Variants in NELFA observed in about 807,000 individuals in gnomAD.
NELFA encodes negative elongation factor A.
A neutral mutation model predicts 51.8 loss-of-function variants in NELFA; 35 were observed. The observed-to-expected ratio is 0.68, with a 90% confidence interval of 0.52 to 0.90. The LOEUF is 0.90. Among genes scored for constraint, NELFA ranks in the 40% least tolerant of loss-of-function variants. NELFA has a pLI of 0.00. For synonymous variants in NELFA, 417 were observed against 338.4 expected (o/e 1.23, Z -2.55); for missense variants, 658 against 746.4 (o/e 0.88, Z 1.38).
chr4:1,984,243 C>T (rs1728011824), intron 8 of NELFA, 130 bp from the exon 9 acceptor site: 2 of 1,190,748 alleles, frequency 1.7e-6, no homozygotes, highest in Non-Finnish European at 2.3e-6. Flanking sequence ...CTCCCTGTGG[C>T]CCCCAGCCAA....
chr4:1,994,992 A>T (rs1039700582), intron 1 of NELFA, among the ~76,000 whole-genome samples: 3 of 152,234 alleles, frequency 2.0e-5, no homozygotes, highest in African/African-American at 7.2e-5. Context: ...GCCATGGGGC[A>T]CCTGGACAGT....
At chr4:1,987,540 CGAAAGCCCGAGCTG>C (rs1303601812) in intron 4 of NELFA, 1 of 199,816 alleles carries the variant, frequency 5.0e-6, no homozygotes, top group Admixed American at 6.1e-5. Flanking sequence ...CACTTGGGGC[CGAAAGCCCGAGCTG>C]GGAAGGCCGA....
At chr4:2,001,430 A>T (rs1728563421) in intron 1 of NELFA, among the ~76,000 whole-genome samples, 1 of 152,250 alleles carries the variant, frequency 6.6e-6, no homozygotes, top group Non-Finnish European at 1.5e-5. Context: ...TGTTGAACTG[A>T]TAAGCAACTT....
At chr4:2,000,367 A>C (rs1728537852) in intron 1 of NELFA, among the ~76,000 whole-genome samples, 1 of 152,142 alleles carries the variant, frequency 6.6e-6, no homozygotes, top group African/African-American at 2.4e-5. Context: ...TGGTTTTGTG[A>C]AAAAATTAAC....
rs1273926499 is a variant in NELFA, at chr4:1,983,091, C to CA, written c.*227dup. ...ACATTCAAAAATGTAACGTTGAGTCCAAAAAGTGTCTTAAATCACACAAAA... is the reference window on the plus strand; with the variant it reads ...ACATTCAAAAATGTAACGTTGAGTCCAAAAAAGTGTCTTAAATCACACAAAA... On this transcript the variant is annotated 3_prime_UTR_variant, in exon 11 of 11. Transcript: ENST00000382882. The CA allele has an allele frequency of 4.5e-6, 2 of 442,882 alleles. No individual in the cohort carries two copies. The highest frequency in any genetic ancestry group is 7.9e-6 in the Non-Finnish European group (2 of 252,464). The allele number at this position is 442,882 out of a possible 1,614,324, so 27.4% of individuals were successfully genotyped here. A position where few individuals can be genotyped will look rare whatever the true frequency, so the allele number is the denominator to read the frequency against.
At chr4:1,986,023 C>G (rs1312511670) in intron 6 of NELFA, 91 bp downstream of exon 6, 6 of 1,443,740 alleles carry the variant, frequency 4.2e-6, no homozygotes, top group Non-Finnish European at 5.6e-6. Flanking sequence ...GGGGCACAGC[C>G]CTGCCCGCCG....
Position 1,990,041 on chromosome 4 carries a change from C to T in NELFA, c.383-172G>A, listed in dbSNP as rs144601682. The stretch of plus-strand genomic sequence containing the variant: ...ACTCCCCACGGCTCCAGCAGAACAC[C>T]CAGGAGCATTTGCAGAACAGGAATG... On this transcript the variant is annotated intron_variant, in intron 2 of 10. Transcript: ENST00000382882. 8.4e-4 allele frequency: 575 copies of T among 687,046 alleles called. No individual in the cohort carries two copies. In the African/African-American group the frequency reaches 9.2e-3, roughly 11 times the overall value. The allele number at this position is 687,046 out of a possible 1,614,324, so 42.6% of individuals were successfully genotyped here. A position where few individuals can be genotyped will look rare whatever the true frequency, so the allele number is the denominator to read the frequency against.
chr4:1,985,501 C>CAG (rs573513567), intron 7 of NELFA, among the ~76,000 whole-genome samples: 273 of 152,236 alleles, frequency 1.8e-3, no homozygotes, highest in African/African-American at 6.3e-3. Flanking sequence ...CCCTGCCTGA[C>CAG]GGGACACTGA....
chr4:1,983,005 T>TAAC lies in NELFA; in HGVS notation c.*311_*313dup, dbSNP rs16342. 1.2e-5 allele frequency: 3 copies of TAAC among 243,886 alleles called. No individual in the cohort carries two copies. The highest frequency in any genetic ancestry group is 1.0e-4 in the South Asian group (1 of 9,650). The allele number at this position is 243,886 out of a possible 1,614,324, so 15.1% of individuals were successfully genotyped here. A position where few individuals can be genotyped will look rare whatever the true frequency, so the allele number is the denominator to read the frequency against. On this transcript the variant is annotated 3_prime_UTR_variant, in exon 11 of 11. Transcript: ENST00000382882. ...GAAAAGATTTTAAAAAGTAAGAGTC[T>TAAC]AACAGGCAGAGCTGTCACTAAAATT...
In NELFA at chr4:1,984,012, CGCT is replaced by C; in HGVS notation, c.1135_1137del (p.Ser379del). ...GGCGTGGGTGTGGCAGGGCTCAGGC[CGCT>C]GTTGTACATGGGCGCCCGCTGCTTG... On this transcript the variant is annotated inframe_deletion, in exon 9 of 11. Transcript: ENST00000382882. The C allele has an allele frequency of 1.2e-6, 2 of 1,608,694 alleles. No homozygotes were observed. The highest frequency in any genetic ancestry group is 2.2e-5 in the South Asian group (2 of 91,000).
chr4:1,992,139 G>A (rs1052551586), intron 1 of NELFA: 15 of 219,762 alleles, frequency 6.8e-5, no homozygotes, highest in Admixed American at 3.3e-4. Context: ...GAGCGCAGGA[G>A]CAGGGTGGAG....
intron 1 of NELFA, among the ~76,000 whole-genome samples, chr4:2,002,702 C>T (rs542183260): frequency 1.3e-5 from 2 of 152,296 alleles, no homozygotes; most frequent in East Asian, 3.9e-4. Flanking sequence ...GAAACTGGAC[C>T]TCTTCCTTAC....
intron 4 of NELFA, 128 bp from the exon 5 acceptor site, chr4:1,986,530 A>G (rs572770): frequency 0.22 from 317,960 of 1,456,922 alleles, 35,700 homozygotes; most frequent in East Asian, 0.32. Context: ...CCTGGCGGGC[A>G]GCGGGCAGGA....
intron 1 of NELFA, among the ~76,000 whole-genome samples, chr4:2,001,469 G>A (rs1445035193): frequency 6.6e-6 from 1 of 152,162 alleles, no homozygotes; most frequent in Non-Finnish European, 1.5e-5. Context: ...CAAAATCAAT[G>A]TGATTTTAAT....
chr4:1,984,938 G>A lies in NELFA; in HGVS notation c.925-19C>T. 6.5e-7 allele frequency: 1 copy of A among 1,535,600 alleles called. No individual in the cohort carries two copies. Among genetic ancestry groups the A allele is most frequent in the South Asian group, 1.2e-5 (1 of 83,178 alleles). On this transcript the variant is annotated intron_variant, in intron 7 of 10. Coordinates refer to ENST00000382882, the MANE Select transcript of NELFA (RefSeq NM_005663.5). ...CAAGTTTCTGGAACACAGAGTTTAA[G>A]GTTCCTTCCAGAAGAGGCCATGCTT...
chr4:1,997,586 T>A (rs1272292990), intron 1 of NELFA, among the ~76,000 whole-genome samples: 1 of 152,266 alleles, frequency 6.6e-6, no homozygotes, highest in African/African-American at 2.4e-5. Flanking sequence ...CTAGGATCGC[T>A]ATATCAAAAA....
chr4:1,988,045 A>C, intron 3 of NELFA, 38 bp from the exon 4 acceptor site: 1 of 1,563,414 alleles, frequency 6.4e-7, no homozygotes, highest in Non-Finnish European at 8.7e-7. Flanking sequence ...GGATCCTCAG[A>C]GCGAGAGCCC....
chr4:1,984,084 G>T lies in NELFA; in HGVS notation c.1066C>A (p.Pro356Thr), dbSNP rs777338269. The change falls in exon 9 of 11, where the codon CCA becomes ACA. Residue 356 changes from proline to threonine, a missense_variant. Coordinates refer to ENST00000382882, the MANE Select transcript of NELFA (RefSeq NM_005663.5). ...GGGCTCGGGGCGCTGGGCTCCTCTG[G>T]TGGGCGGCTGGCTTCCCGGGAAGAT... ...APSSREASRP[P>T]EEPSAPSPTL... is the part of the protein sequence containing the mutation. The T allele has an allele frequency of 1.5e-5, 23 of 1,584,328 alleles. No homozygotes were observed. Among genetic ancestry groups the T allele is most frequent in the South Asian group, 2.2e-5 (2 of 88,892 alleles).
At chr4:1,986,439 G>T in intron 4 of NELFA, 37 bp from the exon 5 acceptor site, 2 of 1,608,188 alleles carry the variant, frequency 1.2e-6, no homozygotes, top group South Asian at 2.2e-5. Context: ...CAGCAGCAGT[G>T]ACCGGCAAAC....
Sources: allele counts gnomAD v4.1 joint callset (sites outside exome capture counted in the v4.1 genomes callset), GRCh38; gene constraint gnomAD v4.1.1; transcripts MANE v1.5; gene names NCBI Gene and HGNC (gene_info 2026-07-23, HGNC 2026-07-21).